The following ASIC2 variants were observed in gnomAD, a reference collection of about 807,000 sequenced individuals.
ASIC2 encodes acid sensing ion channel subunit 2.
In ASIC2, 25 loss-of-function variants were observed where a neutral mutation model predicts 57.3. The ratio of observed to expected loss-of-function variants is 0.44; its 90% CI spans 0.32 to 0.61. ASIC2 has a LOEUF of 0.61. Among genes scored for constraint, ASIC2 ranks in the 20% least tolerant of loss-of-function variants. The probability of loss-of-function intolerance (pLI) is 0.06; values close to 1 mark genes in which losing one functional copy is unlikely to be tolerated. For missense variants in ASIC2, 641 were observed against 738.1 expected (o/e 0.87, Z 1.52); for synonymous variants, 319 against 307.5 (o/e 1.04, Z -0.39).
At chr17:33,976,980 G>A (rs1389681325) in intron 1 of ASIC2, among the ~76,000 whole-genome samples, 3 of 151,926 alleles carry the variant, frequency 2.0e-5, no homozygotes, top group Non-Finnish European at 4.4e-5. Flanking sequence ...TCGTTGTGGC[G>A]ATGCCTCTGG....
intron 1 of ASIC2, among the ~76,000 whole-genome samples, chr17:34,014,583 C>A (rs2142024043): frequency 6.6e-6 from 1 of 152,332 alleles, no homozygotes; most frequent in South Asian, 2.1e-4. Flanking sequence ...AGGCCCAGCC[C>A]TGCTCTGCTC....
chr17:33,614,978 T>A (rs529314128), intron 1 of ASIC2, among the ~76,000 whole-genome samples: 1 of 152,364 alleles, frequency 6.6e-6, no homozygotes, highest in South Asian at 2.1e-4. Context: ...GCTGTGTCTG[T>A]CAATGCATTA....
At chr17:33,893,096 AATGTTAGTTTTGT>A (rs1463150978) in intron 1 of ASIC2, among the ~76,000 whole-genome samples, 1 of 152,194 alleles carries the variant, frequency 6.6e-6, no homozygotes, top group African/African-American at 2.4e-5. Context: ...AGGGAAATAA[AATGTTAGTTTTGT>A]GCTAATGCCA....
At chr17:33,089,210 G>A (rs2092148139) in intron 2 of ASIC2, among the ~76,000 whole-genome samples, 1 of 152,174 alleles carries the variant, frequency 6.6e-6, no homozygotes, top group South Asian at 2.1e-4. Flanking sequence ...TCTTGAGACG[G>A]AGAGACTACC....
intron 3 of ASIC2, among the ~76,000 whole-genome samples, chr17:33,075,753 G>T (rs998805316): frequency 3.3e-5 from 5 of 152,278 alleles, no homozygotes; most frequent in South Asian, 2.1e-4. Flanking sequence ...GCTGGGCATG[G>T]ATAGGAGTTA....
At chr17:34,048,802 C>T (rs940961166) in intron 1 of ASIC2, among the ~76,000 whole-genome samples, 4 of 152,120 alleles carry the variant, frequency 2.6e-5, no homozygotes, top group Admixed American at 6.5e-5. Flanking sequence ...TTGGTGCTGT[C>T]GTGGGAACTA....
chr17:33,356,258 T>C (rs1194415309), intron 1 of ASIC2, among the ~76,000 whole-genome samples: 1 of 152,144 alleles, frequency 6.6e-6, no homozygotes, highest in East Asian at 1.9e-4. Flanking sequence ...CTATTAAGGC[T>C]TCAGGACAAC....
intron 1 of ASIC2, among the ~76,000 whole-genome samples, chr17:34,080,152 G>T (rs1172213868): frequency 6.6e-6 from 1 of 152,142 alleles, no homozygotes; most frequent in African/African-American, 2.4e-5. Context: ...TTCTAAAAGG[G>T]ACCATTAATA....
chr17:33,930,862 A>G (rs754913205), intron 1 of ASIC2, among the ~76,000 whole-genome samples: 52 of 150,044 alleles, frequency 3.5e-4, no homozygotes, highest in African/African-American at 1.2e-3. Context: ...AGATTTTACA[A>G]CTCCCTTGTT....
chr17:33,019,534 G>C (rs547710978), intron 7 of ASIC2, among the ~76,000 whole-genome samples: 26 of 152,144 alleles, frequency 1.7e-4, no homozygotes, highest in African/African-American at 5.3e-4. Flanking sequence ...GGGGTATGCT[G>C]TGGGTAGTGT....
chr17:33,650,194 G>A (rs1906875599), intron 1 of ASIC2, among the ~76,000 whole-genome samples: 1 of 152,136 alleles, frequency 6.6e-6, no homozygotes. Context: ...ACATTTCACT[G>A]AAGAGAATAT....
At chr17:33,596,886 A>G (rs2079424065) in intron 1 of ASIC2, among the ~76,000 whole-genome samples, 1 of 152,240 alleles carries the variant, frequency 6.6e-6, no homozygotes, top group Admixed American at 6.5e-5. Flanking sequence ...GACAGATGAG[A>G]AAAGAGTACT....
chr17:33,327,857 C>T (rs1907139415), intron 1 of ASIC2, among the ~76,000 whole-genome samples: 2 of 152,102 alleles, frequency 1.3e-5, no homozygotes, highest in African/African-American at 4.8e-5. Flanking sequence ...TTAGGGTAGG[C>T]CCTAATGGCT....
At chr17:33,849,455 A>G (rs1487285196) in intron 1 of ASIC2, among the ~76,000 whole-genome samples, 1 of 152,168 alleles carries the variant, frequency 6.6e-6, no homozygotes, top group Non-Finnish European at 1.5e-5. Context: ...TCCCATGGTT[A>G]GTAAGTGACT....
At chr17:33,634,326 C>A (rs1335183798) in intron 1 of ASIC2, among the ~76,000 whole-genome samples, 3 of 152,182 alleles carry the variant, frequency 2.0e-5, no homozygotes, top group Admixed American at 2.0e-4. Context: ...CCTCTCCTAG[C>A]CTGCCCTGTC....
chr17:33,349,501 C>T lies in ASIC2; in HGVS notation c.556-237434G>A, dbSNP rs148669122. Among the ~76,000 whole-genome samples, 5 of 152,228 alleles carry T rather than the reference C, an allele frequency of 3.3e-5. No individual in the cohort carries two copies. In the East Asian group the frequency reaches 9.7e-4, roughly 29 times the overall value. Reference sequence around the variant, plus strand: ...GTTCTCCAGGCATGTGGGCTGATGCCCTACCAGGCCACCTTCATTCTTACC... The same window carrying T: ...GTTCTCCAGGCATGTGGGCTGATGCTCTACCAGGCCACCTTCATTCTTACC... On this transcript the variant is annotated intron_variant, in intron 1 of 9. Transcript: ENST00000359872.
At chr17:33,956,432 G>T (rs1277373049) in intron 1 of ASIC2, among the ~76,000 whole-genome samples, 1 of 152,120 alleles carries the variant, frequency 6.6e-6, no homozygotes, top group Non-Finnish European at 1.5e-5. Context: ...AGTCAGGAAG[G>T]TGTCACGGAA....
intron 1 of ASIC2, among the ~76,000 whole-genome samples, chr17:33,263,587 C>A (rs893601933): frequency 1.4e-5 from 2 of 146,848 alleles, no homozygotes; most frequent in East Asian, 4.1e-4. Flanking sequence ...CTCCCCTCTG[C>A]GGCCCCATGA....
chr17:33,310,682 A>G (rs2142204282), intron 1 of ASIC2, among the ~76,000 whole-genome samples: 1 of 152,196 alleles, frequency 6.6e-6, no homozygotes, highest in East Asian at 1.9e-4. Context: ...TTTTTTCTAG[A>G]AGGGGAAAAG....
Sources: gnomAD v4.1 joint callset for allele counts (sites outside exome capture counted in the v4.1 genomes callset) on GRCh38, gnomAD v4.1.1 for gene constraint, MANE v1.5 for transcripts, NCBI Gene and HGNC (gene_info 2026-07-23, HGNC 2026-07-21) for gene names.